HSD17B11: variants seen among roughly 807,000 people sequenced by gnomAD.
The protein encoded by HSD17B11 is estradiol 17-beta-dehydrogenase 11.
Under a neutral mutation model 27.8 loss-of-function variants are expected in HSD17B11, and 22 were observed. The observed-to-expected ratio is 0.79, with a 90% CI of 0.56 to 1.13. HSD17B11 has a LOEUF of 1.13. Ranked by LOEUF, HSD17B11 falls within the 50% of genes most tolerant of loss-of-function variation. HSD17B11 has a pLI of 0.00. For missense variants in HSD17B11, 314 were observed against 351.1 expected, an observed-to-expected ratio of 0.89 and a Z score of 0.84; for synonymous variants, 117 against 132.8, an observed-to-expected ratio of 0.88 and a Z score of 0.82.
intron 2 of HSD17B11, among the ~76,000 whole-genome samples, chr4:87,377,494 T>C (rs1014921180): frequency 2.6e-5 from 4 of 151,532 alleles, no homozygotes; most frequent in African/African-American, 7.3e-5. Flanking sequence ...TTACAGGTAA[T>C]GTAACTTTTT....
chr4:87,391,104 T>C lies in HSD17B11; in HGVS notation c.-34A>G. On this transcript the variant is annotated 5_prime_UTR_variant, in exon 1 of 7. Transcript: ENST00000358290. ...TGGCTGCGAGCGTTTGGTGTGTTTT[T>C]TTTTTTTTTTACCACTCTAAACTGC... 6.5e-7 allele frequency: 1 copy of C among 1,528,434 alleles called. No homozygotes were observed. The highest frequency in any genetic ancestry group is 8.9e-7 in the Non-Finnish European group (1 of 1,126,184). The allele number at this position is 1,528,434 out of a possible 1,614,324, so 94.7% of individuals were successfully genotyped here. A position where few individuals can be genotyped will look rare whatever the true frequency, so the allele number is the denominator to read the frequency against.
At chr4:87,346,079 T>C (rs988732815) in intron 5 of HSD17B11, among the ~76,000 whole-genome samples, 1 of 152,146 alleles carries the variant, frequency 6.6e-6, no homozygotes, top group Non-Finnish European at 1.5e-5. Flanking sequence ...TATATTAAAA[T>C]AACTACATGC....
intron 5 of HSD17B11, among the ~76,000 whole-genome samples, chr4:87,341,239 T>C (rs1560757379): frequency 6.6e-6 from 1 of 152,108 alleles, no homozygotes; most frequent in Non-Finnish European, 1.5e-5. Flanking sequence ...TGGTGAGATC[T>C]TGGCTCACTG....
At chr4:87,377,758 C>T (rs1735863355) in intron 2 of HSD17B11, among the ~76,000 whole-genome samples, 2 of 152,134 alleles carry the variant, frequency 1.3e-5, no homozygotes, top group Admixed American at 1.3e-4. Flanking sequence ...TGAAACCTAG[C>T]TCTATTAACA....
chr4:87,372,935 C>A (rs918563704), intron 3 of HSD17B11, 120 bp from the exon 4 acceptor site: 5 of 635,214 alleles, frequency 7.9e-6, no homozygotes, highest in African/African-American at 1.9e-5. Context: ...ATGAAAAAAA[C>A]AAACTAACTG....
chr4:87,371,565 T>G (rs1735716542), intron 4 of HSD17B11, among the ~76,000 whole-genome samples: 3 of 152,204 alleles, frequency 2.0e-5, no homozygotes. Context: ...GACTTCTTCA[T>G]TCTTATAAAT....
intron 4 of HSD17B11, among the ~76,000 whole-genome samples, chr4:87,368,993 T>A (rs1324712763): frequency 6.6e-6 from 1 of 152,228 alleles, no homozygotes; most frequent in Non-Finnish European, 1.5e-5. Context: ...ACTTTCTTAA[T>A]AAACTTGCTT....
Position 87,337,273 on chromosome 4 carries a change from T to G in HSD17B11, c.*3A>C. 1 of 1,571,462 alleles carries G rather than the reference T, an allele frequency of 6.4e-7. No homozygotes were observed. Among genetic ancestry groups the G allele is most frequent in the Non-Finnish European group, 8.8e-7 (1 of 1,142,686 alleles). On this transcript the variant is annotated 3_prime_UTR_variant, in exon 7 of 7. Transcript: ENST00000358290. Reference sequence around the variant, plus strand: ...GTAAATCAGTTTTCAGAAAACTAGGTGCTTATTGCGCTTTCATTTTATATC... The same window carrying G: ...GTAAATCAGTTTTCAGAAAACTAGGGGCTTATTGCGCTTTCATTTTATATC...
chr4:87,338,085 C>T (rs978966852), intron 6 of HSD17B11, among the ~76,000 whole-genome samples: 36 of 152,240 alleles, frequency 2.4e-4, no homozygotes, highest in South Asian at 2.1e-4. Context: ...GGCATGGTGG[C>T]GGGTGCCTAT....
At chr4:87,380,479 AAAAAAAAAAG>A (rs1267626587) in intron 2 of HSD17B11, among the ~76,000 whole-genome samples, 1 of 137,304 alleles carries the variant, frequency 7.3e-6, no homozygotes, top group African/African-American at 2.8e-5. Flanking sequence ...TCAAAAAAAA[AAAAAAAAAAG>A]AAAAAAGAAA....
At chr4:87,352,903 C>G (rs1735311782) in intron 5 of HSD17B11, among the ~76,000 whole-genome samples, 1 of 82,216 alleles carries the variant, frequency 1.2e-5, no homozygotes, top group Non-Finnish European at 2.3e-5. Context: ...TCCGTCACCC[C>G]TTTCTTTGAC....
At chr4:87,346,688 G>C (rs926818995) in intron 5 of HSD17B11, among the ~76,000 whole-genome samples, 1 of 152,016 alleles carries the variant, frequency 6.6e-6, no homozygotes, top group Non-Finnish European at 1.5e-5. Context: ...ATTATTGTTG[G>C]CCAATTTAAT....
chr4:87,388,100 C>T (rs534393930), intron 1 of HSD17B11, among the ~76,000 whole-genome samples: 27 of 150,072 alleles, frequency 1.8e-4, no homozygotes, highest in South Asian at 1.0e-3. Flanking sequence ...ATCTCTACAC[C>T]GGTACTGTCT....
chr4:87,344,545 A>G (rs1291131148), intron 5 of HSD17B11, among the ~76,000 whole-genome samples: 1 of 152,242 alleles, frequency 6.6e-6, no homozygotes, highest in African/African-American at 2.4e-5. Context: ...GACAGTTTCA[A>G]CAATAATAGC....
chr4:87,361,054 T>C (rs1735503339), intron 4 of HSD17B11, among the ~76,000 whole-genome samples: 2 of 152,212 alleles, frequency 1.3e-5, no homozygotes, highest in Admixed American at 1.3e-4. Context: ...CCATCTTAAA[T>C]AGGAGCTGGG....
intron 5 of HSD17B11, among the ~76,000 whole-genome samples, chr4:87,355,773 G>A (rs1029939468): frequency 5.3e-5 from 8 of 152,014 alleles, no homozygotes; most frequent in African/African-American, 1.9e-4. Context: ...GCGTGGTCGT[G>A]CGTGCCTGTA....
chr4:87,378,548 C>G (rs531774687), intron 2 of HSD17B11, among the ~76,000 whole-genome samples: 1 of 151,096 alleles, frequency 6.6e-6, no homozygotes, highest in African/African-American at 2.4e-5. Context: ...ATCATTTTTA[C>G]TAACAAAAAA....
intron 4 of HSD17B11, among the ~76,000 whole-genome samples, chr4:87,370,888 G>A: frequency 8.1e-6 from 1 of 123,940 alleles, no homozygotes; most frequent in East Asian, 2.0e-4. Context: ...GAGTAGCTGG[G>A]ACTACAGGCG....
intron 2 of HSD17B11, among the ~76,000 whole-genome samples, chr4:87,381,641 C>T (rs750365997): frequency 8.6e-5 from 13 of 151,576 alleles, no homozygotes; most frequent in Admixed American, 2.6e-4. Context: ...CACCTGTGGT[C>T]CCAGCTACTT....
Sources: gnomAD v4.1 joint callset for allele counts (sites outside exome capture counted in the v4.1 genomes callset) on GRCh38, gnomAD v4.1.1 for gene constraint, MANE v1.5 for transcripts, NCBI Gene and HGNC (gene_info 2026-07-23, HGNC 2026-07-21) for gene names.